Variants in FGF14 observed in about 807,000 individuals in gnomAD.
FGF14 encodes fibroblast growth factor homologous factor 4.
A neutral mutation model predicts 25.5 loss-of-function variants in FGF14; 5 were observed. The observed-to-expected ratio is 0.20, with a 90% CI of 0.10 to 0.41. FGF14 has a LOEUF of 0.41. FGF14 is among the 10% of genes least tolerant of loss of function. FGF14 has a pLI of 1.00. For missense variants in FGF14, 222 were observed against 320.1 expected, an observed-to-expected ratio of 0.69 and a Z score of 2.34; for synonymous variants, 138 against 118.3, an observed-to-expected ratio of 1.17 and a Z score of -1.08.
chr13:102,319,553 C>A (rs1016286862), intron 1 of FGF14, among the ~76,000 whole-genome samples: 5 of 152,178 alleles, frequency 3.3e-5, no homozygotes, highest in Admixed American at 2.0e-4. Flanking sequence ...AGGAAGGCCA[C>A]CAATTGCATA....
At chr13:101,942,397 T>C (rs1383558416) in intron 1 of FGF14, among the ~76,000 whole-genome samples, 2 of 152,230 alleles carry the variant, frequency 1.3e-5, no homozygotes, top group African/African-American at 4.8e-5. Context: ...AATACTAGTG[T>C]TATTCTTGAA....
In FGF14 at chr13:102,159,159, A is replaced by G. The variant is rs535174204; in HGVS notation, c.208+242312T>C. The stretch of plus-strand genomic sequence containing the variant: ...TGTCTCAAAAAAAAAAAAAAAAAAG[A>G]AAAGAAAAGAAAATTCAAGGGGTTC... On this transcript the variant is annotated intron_variant, in intron 1 of 4. Transcript: ENST00000376131. Among the ~76,000 whole-genome samples the G allele has an allele frequency of 4.3e-3, 506 of 118,136 alleles. 9 individuals carry two copies. The highest frequency in any genetic ancestry group is 0.016 in the African/African-American group (444 of 27,088). 77.5% of individuals were successfully genotyped at this position (118,136 alleles called of 152,430 possible).
intron 3 of FGF14, among the ~76,000 whole-genome samples, chr13:101,816,528 A>G (rs900046151): frequency 6.6e-6 from 1 of 152,170 alleles, no homozygotes; most frequent in African/African-American, 2.4e-5. Flanking sequence ...AAACAAAATT[A>G]TATGAAAAGC....
intron 3 of FGF14, among the ~76,000 whole-genome samples, chr13:101,840,654 C>T (rs1006218782): frequency 3.9e-5 from 6 of 151,926 alleles, no homozygotes; most frequent in Non-Finnish European, 8.8e-5. Flanking sequence ...ATCATTCATG[C>T]AGTGTTGTAA....
intron 3 of FGF14, among the ~76,000 whole-genome samples, chr13:101,759,930 AG>A (rs1457127260): frequency 6.6e-6 from 1 of 152,202 alleles, no homozygotes; most frequent in East Asian, 1.9e-4. Flanking sequence ...AGCTAAACTT[AG>A]TGGCAGCTAA....
chr13:101,924,688 T>C (rs2034246167), intron 1 of FGF14, among the ~76,000 whole-genome samples: 1 of 152,206 alleles, frequency 6.6e-6, no homozygotes, highest in South Asian at 2.1e-4. Flanking sequence ...AGCTTTTAGT[T>C]CTAGTGAAGT....
rs981645992 is a variant in FGF14 at position 101,714,681 on chromosome 13, C to T, written c.*8150G>A. The T allele has an allele frequency of 2.2e-5, 14 of 639,174 alleles. No individual in the cohort carries two copies. Among genetic ancestry groups the T allele is most frequent in the Middle Eastern group, 2.6e-4 (1 of 3,874 alleles). The allele number at this position is 639,174 out of a possible 1,614,324, so 39.6% of individuals were successfully genotyped here. On this transcript the variant is annotated 3_prime_UTR_variant, in exon 5 of 5. Coordinates refer to ENST00000376143, the MANE Select transcript of FGF14 (RefSeq NM_004115.4). ...GTGAATATGAAATATCTACCAAAGGCGAAGTGGGCATTTGGGAAAAAGCCC... is the reference window on the plus strand; with the variant it reads ...GTGAATATGAAATATCTACCAAAGGTGAAGTGGGCATTTGGGAAAAAGCCC...
In FGF14 at chr13:101,902,841, AGGCAC is replaced by A. The variant is rs2031743242; in HGVS notation, c.193+13607_193+13611del. On this transcript the variant is annotated intron_variant, in intron 1 of 4. Transcript: ENST00000376143. The stretch of plus-strand genomic sequence containing the variant: ...CATTAGTCTAGCCTTCTTTCAAAGG[AGGCAC>A]TTTTAATAAAAATCTAATAGCTTTA... 2.6e-5 allele frequency among the ~76,000 whole-genome samples: 4 copies of A among 152,306 alleles called. No homozygotes were observed. In the East Asian group the frequency reaches 7.7e-4, roughly 29 times the overall value.
At chr13:102,273,976 A>T (rs757757153) in intron 1 of FGF14, among the ~76,000 whole-genome samples, 17 of 151,692 alleles carry the variant, frequency 1.1e-4, no homozygotes, top group Non-Finnish European at 2.5e-4. Flanking sequence ...AGAAGTCTCA[A>T]AAATGAAAGA....
intron 4 of FGF14, among the ~76,000 whole-genome samples, chr13:101,726,006 T>A (rs538425793): frequency 2.6e-5 from 4 of 152,018 alleles, no homozygotes; most frequent in African/African-American, 9.6e-5. Flanking sequence ...TGCACACAAA[T>A]GAATGTGGAT....
rs926693068 is a variant in FGF14, at chr13:101,750,973, G to A, written c.409-24163C>T. 1.6e-4 allele frequency among the ~76,000 whole-genome samples: 24 copies of A among 152,108 alleles called. No individual in the cohort carries two copies. The South Asian group carries it at 3.3e-3, about 21-fold the overall frequency. ...TACGATTCCAACTATATAACATTCT[G>A]GAAAAGGCAGAACGGAGACAGTAAA... is the stretch of plus-strand genomic sequence containing the variant. On this transcript the variant is annotated intron_variant, in intron 3 of 4. Transcript: ENST00000376143.
chr13:102,213,053 A>G (rs2050224210), intron 1 of FGF14, among the ~76,000 whole-genome samples: 1 of 152,244 alleles, frequency 6.6e-6, no homozygotes, highest in Admixed American at 6.5e-5. Context: ...ACACCTTGAA[A>G]GAAATAACAA....
chr13:101,928,018 A>G (rs962821893), intron 1 of FGF14, among the ~76,000 whole-genome samples: 1 of 152,100 alleles, frequency 6.6e-6, no homozygotes, highest in Non-Finnish European at 1.5e-5. Context: ...AACTTTTCAA[A>G]ATATCTAAAA....
chr13:102,401,831 A>T, upstream of FGF14: 1 of 710,512 alleles, frequency 1.4e-6, no homozygotes, highest in Non-Finnish European at 2.4e-6. Context: ...GGGTTGGAGA[A>T]AAAATCCTTT....
intron 1 of FGF14, among the ~76,000 whole-genome samples, chr13:102,013,883 T>A (rs929333387): frequency 2.0e-5 from 3 of 152,136 alleles, no homozygotes; most frequent in Admixed American, 6.6e-5. Context: ...GTCTAACAGC[T>A]TGCAAGAGGC....
At chr13:102,086,517 G>A (rs1368876006) in intron 1 of FGF14, among the ~76,000 whole-genome samples, 2 of 151,786 alleles carry the variant, frequency 1.3e-5, no homozygotes, top group East Asian at 1.9e-4. Flanking sequence ...GCGACAGAGA[G>A]AGACTCCGTC....
chr13:101,728,334 C>A (rs142439056), intron 3 of FGF14, among the ~76,000 whole-genome samples: 26 of 152,166 alleles, frequency 1.7e-4, no homozygotes, highest in African/African-American at 6.0e-4. Flanking sequence ...TTATGTAGAT[C>A]TTTATTTCTT....
intron 1 of FGF14, among the ~76,000 whole-genome samples, chr13:102,101,236 T>A (rs569810131): frequency 1.3e-5 from 2 of 152,294 alleles, no homozygotes; most frequent in East Asian, 3.9e-4. Flanking sequence ...TCAGACTAAG[T>A]CCCAGATATT....
intron 1 of FGF14, among the ~76,000 whole-genome samples, chr13:102,107,497 T>TG (rs1178395122): frequency 2.0e-5 from 3 of 151,556 alleles, no homozygotes; most frequent in Non-Finnish European, 4.4e-5. Flanking sequence ...TATTCAAAGG[T>TG]GAAAAAAAAG....
Sources: allele counts gnomAD v4.1 joint callset (sites outside exome capture counted in the v4.1 genomes callset), GRCh38; gene constraint gnomAD v4.1.1; transcripts MANE v1.5; gene names NCBI Gene and HGNC (gene_info 2026-07-23, HGNC 2026-07-21).